NPL: variants seen among roughly 807,000 people sequenced by gnomAD.
The protein encoded by NPL is N-acetylneuraminate lyase.
In NPL, 32 loss-of-function variants were observed where a neutral mutation model predicts 41.1. That is an observed-to-expected ratio of 0.78 (90% CI 0.59 to 1.05). The LOEUF is 1.05. Among genes scored for constraint, NPL ranks in the 50% least tolerant of loss-of-function variants. NPL has a pLI of 0.00. For synonymous variants in NPL, 128 were observed against 134.9 expected (o/e 0.95, Z 0.35); for missense variants, 321 against 378.4 (o/e 0.85, Z 1.26).
At position 182,829,725 on chromosome 1, in the gene NPL, C is replaced by G. The variant is rs1296131470; in HGVS notation, c.*817C>G. ...GACCCTGAATTATTGAAATCGAAGG[C>G]TGACTTCCTTTCTGCAGTGAGCCCA... On this transcript the variant is annotated 3_prime_UTR_variant, in exon 13 of 13. Coordinates refer to ENST00000367553, the MANE Select transcript of NPL (RefSeq NM_030769.3). 2 of 1,219,962 alleles carry G rather than the reference C, an allele frequency of 1.6e-6. No individual in the cohort carries two copies. The highest frequency in any genetic ancestry group is 2.4e-6 in the Non-Finnish European group (2 of 846,822). 75.6% of individuals were successfully genotyped at this position (1,219,962 alleles called of 1,614,324 possible). A position where few individuals can be genotyped will look rare whatever the true frequency, so the allele number is the denominator to read the frequency against.
chr1:182,818,864 G>A lies in NPL; in HGVS notation c.653+5G>A. ...AGCAACTGGAGCAGTGGGCAGGTAA[G>A]CATGACTCATTTTTCCCAGTGGTTA... On this transcript the variant is annotated splice_donor_5th_base_variant and intron_variant, in intron 10 of 12. Transcript: ENST00000367553. The A allele has an allele frequency of 6.2e-7, 1 of 1,613,878 alleles. No individual in the cohort carries two copies. Among genetic ancestry groups the A allele is most frequent in the African/African-American group, 1.3e-5 (1 of 75,032 alleles).
chr1:182,802,896 G>C (rs893098960), intron 3 of NPL, among the ~76,000 whole-genome samples: 1 of 152,248 alleles, frequency 6.6e-6, no homozygotes, highest in Non-Finnish European at 1.5e-5. Flanking sequence ...GGGCCGGACT[G>C]TGTGGGGCTT....
At chr1:182,806,264 T>C (rs1209594334) in intron 5 of NPL, 32 bp downstream of exon 5, 13 of 1,613,838 alleles carry the variant, frequency 8.1e-6, no homozygotes, top group Non-Finnish European at 1.1e-5. Flanking sequence ...AAAATGCCCT[T>C]TGGCAACAGC....
At chr1:182,822,081 A>T (rs772941389) in intron 10 of NPL, 34 bp from the exon 11 acceptor site, 1 of 1,348,146 alleles carries the variant, frequency 7.4e-7, no homozygotes, top group South Asian at 1.2e-5. Context: ...CTGTTGAGTT[A>T]TTGAACCTGC....
chr1:182,829,746 G>A lies in NPL; in HGVS notation c.*838G>A. The A allele has an allele frequency of 1.0e-6, 1 of 964,826 alleles. No individual in the cohort carries two copies. The allele number at this position is 964,826 out of a possible 1,614,324, so 59.8% of individuals were successfully genotyped here. A position where few individuals can be genotyped will look rare whatever the true frequency, so the allele number is the denominator to read the frequency against. ...AAGGCTGACTTCCTTTCTGCAGTGA[G>A]CCCAGGGGCTAATGTTATTATCCTG... On this transcript the variant is annotated 3_prime_UTR_variant, in exon 13 of 13. Transcript: ENST00000367553.
At chr1:182,820,039 C>T (rs1184618643) in intron 10 of NPL, among the ~76,000 whole-genome samples, 1 of 152,202 alleles carries the variant, frequency 6.6e-6, no homozygotes, top group Non-Finnish European at 1.5e-5. Flanking sequence ...CTGCACATCT[C>T]TTTATTTCTC....
chr1:182,824,787 ACT>A (rs1667588275), intron 11 of NPL, among the ~76,000 whole-genome samples: 1 of 152,088 alleles, frequency 6.6e-6, no homozygotes, highest in South Asian at 2.1e-4. Context: ...ACAGAGCGAG[ACT>A]CTGTCTCAAA....
intron 1 of NPL, among the ~76,000 whole-genome samples, chr1:182,790,122 C>G (rs909209097): frequency 6.0e-4 from 91 of 152,304 alleles, no homozygotes; most frequent in African/African-American, 2.1e-3. Flanking sequence ...AAAGTTAAAC[C>G]TGATACATCC....
intron 3 of NPL, among the ~76,000 whole-genome samples, chr1:182,796,366 C>T (rs893654153): frequency 2.6e-5 from 4 of 151,806 alleles, no homozygotes; most frequent in Admixed American, 2.6e-4. Flanking sequence ...AATGTACTTA[C>T]CCACAAGGGA....
chr1:182,810,255 C>T (rs1448451922), intron 5 of NPL, among the ~76,000 whole-genome samples: 3 of 152,158 alleles, frequency 2.0e-5, no homozygotes, highest in African/African-American at 7.2e-5. Context: ...GCCTCTCTCT[C>T]CCCAGATGGG....
intron 4 of NPL, among the ~76,000 whole-genome samples, chr1:182,805,607 G>A (rs1358838016): frequency 6.6e-6 from 1 of 152,210 alleles, no homozygotes; most frequent in Non-Finnish European, 1.5e-5. Flanking sequence ...GTGAGAGTAA[G>A]TGGATATGTA....
At chr1:182,821,308 C>G (rs1048667431) in intron 10 of NPL, among the ~76,000 whole-genome samples, 8 of 152,180 alleles carry the variant, frequency 5.3e-5, no homozygotes, top group African/African-American at 1.9e-4. Flanking sequence ...GTTTCTATAA[C>G]CTTCTACCTT....
At chr1:182,795,287 A>T (rs936235098) in intron 3 of NPL, among the ~76,000 whole-genome samples, 4 of 152,190 alleles carry the variant, frequency 2.6e-5, no homozygotes, top group Admixed American at 6.5e-5. Flanking sequence ...GTAATATTAT[A>T]ATAATAATCA....
Position 182,829,445 on chromosome 1 carries a change from G to C in NPL, c.*537G>C. The C allele has an allele frequency of 7.0e-7, 1 of 1,432,634 alleles. No individual in the cohort carries two copies. Among genetic ancestry groups the C allele is most frequent in the Non-Finnish European group, 9.2e-7 (1 of 1,092,542 alleles). 88.7% of individuals were successfully genotyped at this position (1,432,634 alleles called of 1,614,324 possible). Reference sequence around the variant, plus strand: ...GTCTAACTCTAGAATGGATGCTTTTGAATTCATTTCGATGTCACCACTTTT... The same window carrying C: ...GTCTAACTCTAGAATGGATGCTTTTCAATTCATTTCGATGTCACCACTTTT... On this transcript the variant is annotated 3_prime_UTR_variant, in exon 13 of 13. Transcript: ENST00000367553.
chr1:182,818,745 T>C, intron 9 of NPL, 56 bp downstream of exon 9: 1 of 1,613,746 alleles, frequency 6.2e-7, no homozygotes, highest in Admixed American at 1.7e-5. Context: ...ACAATTTGTG[T>C]AGCTATATAG....
Position 182,829,161 on chromosome 1 carries a change from A to G in NPL, c.*253A>G, listed in dbSNP as rs1055925562. 2.2e-6 allele frequency: 3 copies of G among 1,339,232 alleles called. No individual in the cohort carries two copies. Among genetic ancestry groups the G allele is most frequent in the Non-Finnish European group, 2.9e-6 (3 of 1,047,284 alleles). 83.0% of individuals were successfully genotyped at this position (1,339,232 alleles called of 1,614,324 possible). ...GGAGAAATTTCTGTTTATATGGATG[A>G]AATGGAATCAAGAGGAAAATTGTAA... On this transcript the variant is annotated 3_prime_UTR_variant, in exon 13 of 13. Coordinates refer to ENST00000367553, the MANE Select transcript of NPL (RefSeq NM_030769.3).
intron 3 of NPL, among the ~76,000 whole-genome samples, chr1:182,802,959 C>T (rs906922925): frequency 8.5e-5 from 13 of 152,176 alleles, no homozygotes; most frequent in African/African-American, 2.9e-4. Flanking sequence ...GCTGTTCCGC[C>T]TTTGAGAGGC....
chr1:182,797,631 C>T (rs977947752), intron 3 of NPL, among the ~76,000 whole-genome samples: 2 of 152,148 alleles, frequency 1.3e-5, no homozygotes, highest in East Asian at 1.9e-4. Context: ...CACTTCTACT[C>T]ATCTATCAAA....
At chr1:182,805,394 G>A (rs1230391991) in intron 4 of NPL, among the ~76,000 whole-genome samples, 2 of 152,162 alleles carry the variant, frequency 1.3e-5, no homozygotes. Flanking sequence ...TGGCGCCACT[G>A]CCCTCCAGCC....
Sources: gnomAD v4.1 joint callset for allele counts (sites outside exome capture counted in the v4.1 genomes callset) on GRCh38, gnomAD v4.1.1 for gene constraint, MANE v1.5 for transcripts, NCBI Gene and HGNC (gene_info 2026-07-23, HGNC 2026-07-21) for gene names.